Variants in ALK observed in about 807,000 individuals in gnomAD.
ALK encodes the protein ALK receptor tyrosine kinase, also known as ALK tyrosine kinase receptor.
Under a neutral mutation model 163.1 loss-of-function variants are expected in ALK, and 74 were observed. That is an observed-to-expected ratio of 0.45 (90% confidence interval 0.38 to 0.55). The LOEUF (loss-of-function observed/expected upper bound fraction) is 0.55, where lower values mean the gene tolerates loss of function less well. ALK is among the 20% of genes least tolerant of loss of function. ALK has a pLI of 0.00. For missense variants in ALK, 2,063 were observed against 2,105.3 expected (o/e 0.98, Z 0.39); for synonymous variants, 960 against 843.2 (o/e 1.14, Z -2.40).
intron 3 of ALK, among the ~76,000 whole-genome samples, chr2:29,654,066 C>T (rs990886394): frequency 1.3e-5 from 2 of 151,990 alleles, no homozygotes; most frequent in East Asian, 1.9e-4. Context: ...GCAGTAACAA[C>T]AATAATAATA....
chr2:29,816,195 TTAAG>T (rs1383681931), intron 1 of ALK, among the ~76,000 whole-genome samples: 2 of 152,126 alleles, frequency 1.3e-5, no homozygotes, highest in South Asian at 2.1e-4. Context: ...ACATGAAACA[TTAAG>T]TAATAGATTC....
intron 24 of ALK, among the ~76,000 whole-genome samples, chr2:29,213,539 T>C (rs1669517288): frequency 1.3e-5 from 2 of 152,122 alleles, no homozygotes; most frequent in East Asian, 1.9e-4. Flanking sequence ...TAAAGTGATA[T>C]AGGACTTGAA....
Position 29,336,901 on chromosome 2 carries a change from GA to G in ALK, c.1283-8421del, listed in dbSNP as rs912140250. Among the ~76,000 whole-genome samples the G allele has an allele frequency of 4.4e-4, 67 of 152,184 alleles. 1 individual carries two copies. The highest frequency in any genetic ancestry group is 8.4e-4 in the Non-Finnish European group (57 of 68,040). On this transcript the variant is annotated intron_variant, in intron 5 of 28. Transcript: ENST00000389048. ...GGAAATTTGAGTGCTGCTTCAGTGA[GA>G]AGGGGGTCTTGCTCTTCAATTAAAG...
Position 29,578,246 on chromosome 2 carries a change from C to T in ALK, c.953-46130G>A, listed in dbSNP as rs1023857706. Among the ~76,000 whole-genome samples the T allele has an allele frequency of 5.9e-5, 9 of 152,290 alleles. No homozygotes were observed. The East Asian group carries it at 1.7e-3, about 29-fold the overall frequency. On this transcript the variant is annotated intron_variant, in intron 3 of 28. Coordinates refer to ENST00000389048, the MANE Select transcript of ALK (RefSeq NM_004304.5). ...CTGTTCATGTAAGACATGACTTGCC[C>T]CTCCTTGCCTTTCACCATAATTGTG...
chr2:29,653,853 G>A (rs1462061240), intron 3 of ALK, among the ~76,000 whole-genome samples: 1 of 152,116 alleles, frequency 6.6e-6, no homozygotes, highest in African/African-American at 2.4e-5. Context: ...CTTGAGATCA[G>A]GAGTTCAAGA....
Position 29,320,773 on chromosome 2 carries a change from A to G in ALK, c.1524T>C (p.Asp508=). The change falls in exon 7 of 29, where the codon GAT becomes GAC. Residue 508 remains aspartate (D), a synonymous_variant. Transcript: ENST00000389048. ...TACCTTGGTGGTCCTGGAACCGGGC[A>G]TCCTTTAGGGTCCTGACCTGCCATT... The part of the protein sequence containing the change: ...TPQWQVRTLK[D]ARFQDHQDHA... The G allele has an allele frequency of 3.7e-6, 6 of 1,614,006 alleles. No individual in the cohort carries two copies. Among genetic ancestry groups the G allele is most frequent in the Non-Finnish European group, 5.1e-6 (6 of 1,180,000 alleles).
intron 1 of ALK, among the ~76,000 whole-genome samples, chr2:29,916,983 C>G (rs4319896): frequency 6.6e-6 from 1 of 152,080 alleles, no homozygotes; most frequent in South Asian, 2.1e-4. Context: ...GATCCTATTT[C>G]TGAATTCACA....
At chr2:29,710,623 C>T (rs1225283348) in intron 2 of ALK, among the ~76,000 whole-genome samples, 2 of 152,072 alleles carry the variant, frequency 1.3e-5, no homozygotes, top group African/African-American at 2.4e-5. Context: ...TCAAACGATT[C>T]TCCTACCTCA....
chr2:29,220,340 T>C (rs1669767299), intron 23 of ALK, among the ~76,000 whole-genome samples: 1 of 152,206 alleles, frequency 6.6e-6, no homozygotes, highest in African/African-American at 2.4e-5. Flanking sequence ...CTGCAATGAT[T>C]GTAAGTTTCC....
chr2:29,734,260 G>A (rs919194579), intron 1 of ALK, among the ~76,000 whole-genome samples: 1 of 152,132 alleles, frequency 6.6e-6, no homozygotes. Context: ...AAAAGGTGCT[G>A]CAGACCATCT....
chr2:29,287,227 T>G (rs1034494860), intron 9 of ALK, among the ~76,000 whole-genome samples: 10 of 152,318 alleles, frequency 6.6e-5, no homozygotes, highest in African/African-American at 2.4e-4. Flanking sequence ...ACTGCTTGAA[T>G]TTTTAGGAAA....
At chr2:29,518,476 C>T (rs1003336788) in intron 4 of ALK, among the ~76,000 whole-genome samples, 1 of 152,198 alleles carries the variant, frequency 6.6e-6, no homozygotes, top group African/African-American at 2.4e-5. Context: ...ATCAAATAGT[C>T]TAAGAAATGG....
At chr2:29,690,623 A>C (rs1678368686) in intron 3 of ALK, among the ~76,000 whole-genome samples, 1 of 152,230 alleles carries the variant, frequency 6.6e-6, no homozygotes, top group Admixed American at 6.5e-5. Context: ...TGGTTCTTCA[A>C]GATTTTAGTA....
intron 11 of ALK, among the ~76,000 whole-genome samples, chr2:29,260,705 G>A (rs1266728193): frequency 6.6e-6 from 1 of 151,778 alleles, no homozygotes; most frequent in African/African-American, 2.4e-5. Flanking sequence ...TATGGTGGTG[G>A]GTGCCTATGT....
chr2:29,302,458 C>T (rs1666398595), intron 8 of ALK, among the ~76,000 whole-genome samples: 2 of 152,138 alleles, frequency 1.3e-5, no homozygotes, highest in Admixed American at 6.5e-5. Flanking sequence ...GCGGAGGTTG[C>T]AGTGAGCCGA....
intron 2 of ALK, among the ~76,000 whole-genome samples, chr2:29,709,223 T>C (rs1310811242): frequency 6.6e-6 from 1 of 152,192 alleles, no homozygotes; most frequent in Non-Finnish European, 1.5e-5. Flanking sequence ...AATCACATCT[T>C]TGAATCCTCA....
intron 1 of ALK, among the ~76,000 whole-genome samples, chr2:29,871,013 T>C (rs1369416349): frequency 6.6e-6 from 1 of 152,228 alleles, no homozygotes; most frequent in Non-Finnish European, 1.5e-5. Context: ...GTTTTACGCA[T>C]CAGCCCTCAG....
rs1192414278 is a variant in ALK, at chr2:29,200,729, G to GTA, written c.3939-3055_3939-3054dup. On this transcript the variant is annotated intron_variant, in intron 26 of 28. Transcript: ENST00000389048. ...AAATCAAATATACATACGTATATAT[G>GTA]TATATATATACGTATATATATACGT... Among the ~76,000 whole-genome samples, 7 of 140,976 alleles carry GTA rather than the reference G, an allele frequency of 5.0e-5. No homozygotes were observed. In the East Asian group the frequency reaches 6.1e-4, roughly 12 times the overall value. The allele number at this position is 140,976 out of a possible 152,430, so 92.5% of individuals were successfully genotyped here. A position where few individuals can be genotyped will look rare whatever the true frequency, so the allele number is the denominator to read the frequency against.
chr2:29,640,363 G>A (rs12617820), intron 3 of ALK, among the ~76,000 whole-genome samples: 92,555 of 151,686 alleles, frequency 0.61, 29,607 homozygotes, highest in East Asian at 0.72. Context: ...GGCACTGTCC[G>A]CATGAGGGTG....
Sources: allele counts gnomAD v4.1 joint callset (sites outside exome capture counted in the v4.1 genomes callset), GRCh38; gene constraint gnomAD v4.1.1; transcripts MANE v1.5; gene names NCBI Gene and HGNC (gene_info 2026-07-23, HGNC 2026-07-21).